Variants in HS3ST4 observed in about 807,000 individuals in gnomAD.
HS3ST4 encodes heparan sulfate-glucosamine 3-sulfotransferase 4.
Under a neutral mutation model 29.2 loss-of-function variants are expected in HS3ST4, and 17 were observed. That is an observed-to-expected ratio of 0.58 (90% CI 0.40 to 0.87). The LOEUF is 0.87. Ranked by LOEUF, HS3ST4 falls within the 40% of genes least tolerant of loss-of-function variation. The pLI is 0.00. For synonymous variants in HS3ST4, 314 were observed against 285.7 expected, an observed-to-expected ratio of 1.10 and a Z score of -1.00; for missense variants, 627 against 634.5, an observed-to-expected ratio of 0.99 and a Z score of 0.13.
At chr16:25,783,447 G>T (rs1244990168) in intron 1 of HS3ST4, among the ~76,000 whole-genome samples, 19 of 151,004 alleles carry the variant, frequency 1.3e-4, no homozygotes, top group Non-Finnish European at 2.9e-5. Context: ...TTCCACCAGA[G>T]TTGTGGTAAT....
chr16:25,851,773 G>T (rs1272510183), intron 1 of HS3ST4, among the ~76,000 whole-genome samples: 1 of 152,132 alleles, frequency 6.6e-6, no homozygotes, highest in Admixed American at 6.5e-5. Flanking sequence ...AAACAACCGA[G>T]AATTCATCCT....
At position 25,816,171 on chromosome 16, in the gene HS3ST4, G is replaced by A. The variant is rs990487627; in HGVS notation, c.734+123020G>A. Reference sequence around the variant, plus strand: ...GACCATGATTTACTACTCACCCTCCGTGGCTTTGCAGGGCATGGTGCCTTC... The same window carrying A: ...GACCATGATTTACTACTCACCCTCCATGGCTTTGCAGGGCATGGTGCCTTC... On this transcript the variant is annotated intron_variant, in intron 1 of 1. Transcript: ENST00000331351. Among the ~76,000 whole-genome samples the A allele has an allele frequency of 1.7e-4, 26 of 152,124 alleles. 1 individual carries two copies. Among genetic ancestry groups the A allele is most frequent in the Admixed American group, 1.5e-3 (23 of 15,278 alleles).
chr16:25,853,185 G>A (rs1300419122), intron 1 of HS3ST4, among the ~76,000 whole-genome samples: 2 of 151,984 alleles, frequency 1.3e-5, no homozygotes, highest in African/African-American at 2.4e-5. Flanking sequence ...CTTTTTAAGA[G>A]AGTTGTTCAT....
chr16:26,086,523 G>A (rs1304872727), intron 1 of HS3ST4, among the ~76,000 whole-genome samples: 1 of 151,842 alleles, frequency 6.6e-6, no homozygotes, highest in Non-Finnish European at 1.5e-5. Context: ...CTAATTTTTT[G>A]TATTTTTAGT....
chr16:25,966,337 G>A (rs892005810), intron 1 of HS3ST4, among the ~76,000 whole-genome samples: 2 of 152,090 alleles, frequency 1.3e-5, no homozygotes, highest in Non-Finnish European at 2.9e-5. Context: ...AGGTTGCTGG[G>A]GACCAGTATA....
chr16:25,916,673 C>CTTTTT (rs34339195), intron 1 of HS3ST4, among the ~76,000 whole-genome samples: 58 of 92,160 alleles, frequency 6.3e-4, no homozygotes, highest in African/African-American at 1.4e-3. Context: ...CAAATGCATT[C>CTTTTT]TTTTTTTTTT....
intron 1 of HS3ST4, among the ~76,000 whole-genome samples, chr16:25,982,645 T>C (rs1044252533): frequency 6.6e-6 from 1 of 152,080 alleles, no homozygotes; most frequent in African/African-American, 2.4e-5. Context: ...CTCGTCAACA[T>C]AGTGAGACCA....
chr16:25,698,773 A>G (rs1311187664), intron 1 of HS3ST4, among the ~76,000 whole-genome samples: 1 of 152,206 alleles, frequency 6.6e-6, no homozygotes, highest in East Asian at 1.9e-4. Flanking sequence ...GGAAAACCCC[A>G]GTAATGATTG....
intron 1 of HS3ST4, among the ~76,000 whole-genome samples, chr16:25,861,563 G>T (rs72780736): frequency 0.17 from 25,808 of 151,880 alleles, 2,358 homozygotes; most frequent in East Asian, 0.26. Flanking sequence ...TATGAAAAGC[G>T]CACCAAAAAG....
At position 25,834,464 on chromosome 16, in the gene HS3ST4, ATTC is replaced by A. The variant is rs763324871; in HGVS notation, c.734+141316_734+141318del. Reference sequence around the variant, plus strand: ...GCCCTTCACCAATGAATTGTGATATATTCTTACAATGAACAGGACTACACGCTG... The same window carrying A: ...GCCCTTCACCAATGAATTGTGATATATTACAATGAACAGGACTACACGCTG... On this transcript the variant is annotated intron_variant, in intron 1 of 1. Transcript: ENST00000331351. Among the ~76,000 whole-genome samples the A allele has an allele frequency of 9.5e-4, 145 of 152,346 alleles. 1 individual carries two copies. The highest frequency in any genetic ancestry group is 4.1e-3 in the Admixed American group (63 of 15,302).
intron 1 of HS3ST4, among the ~76,000 whole-genome samples, chr16:25,831,998 C>T (rs1261721525): frequency 3.3e-5 from 5 of 152,024 alleles, no homozygotes; most frequent in Admixed American, 2.6e-4. Context: ...TCCAGCTGCT[C>T]GGGAGGCTGA....
At chr16:25,745,987 A>T (rs540260699) in intron 1 of HS3ST4, among the ~76,000 whole-genome samples, 4 of 152,286 alleles carry the variant, frequency 2.6e-5, no homozygotes, top group Admixed American at 2.6e-4. Context: ...CACCTGATTA[A>T]GTTATCCTCC....
In HS3ST4 at chr16:25,913,310, C is replaced by T. The variant is rs113945872; in HGVS notation, c.734+220159C>T. 2.9e-3 allele frequency among the ~76,000 whole-genome samples: 443 copies of T among 152,354 alleles called. 3 individuals are homozygous for T. Among genetic ancestry groups the T allele is most frequent in the African/African-American group, 0.01 (432 of 41,596 alleles). On this transcript the variant is annotated intron_variant, in intron 1 of 1. Coordinates refer to ENST00000331351, the MANE Select transcript of HS3ST4 (RefSeq NM_006040.3). ...TGAGGCTTTTGGGAGGCTATTAGGT[C>T]ACAAGGGCAGAGCCCCCATGAATGG... is the stretch of plus-strand genomic sequence containing the variant.
chr16:26,025,836 T>C (rs971395037), intron 1 of HS3ST4, among the ~76,000 whole-genome samples: 1 of 152,334 alleles, frequency 6.6e-6, no homozygotes. Flanking sequence ...AGTGCAGTGG[T>C]GTGATCTTGG....
At chr16:26,082,446 G>A (rs1898735311) in intron 1 of HS3ST4, among the ~76,000 whole-genome samples, 1 of 152,184 alleles carries the variant, frequency 6.6e-6, no homozygotes, top group Non-Finnish European at 1.5e-5. Context: ...GCAAGTGATA[G>A]GATCAGAGAG....
chr16:25,942,870 C>T (rs1968586196), intron 1 of HS3ST4, among the ~76,000 whole-genome samples: 1 of 152,174 alleles, frequency 6.6e-6, no homozygotes, highest in African/African-American at 2.4e-5. Context: ...AATCCTCCCA[C>T]TTCAGCCTCT....
chr16:25,727,652 A>G (rs1966545582), intron 1 of HS3ST4, among the ~76,000 whole-genome samples: 1 of 152,144 alleles, frequency 6.6e-6, no homozygotes, highest in Admixed American at 6.5e-5. Flanking sequence ...TGCCCCATTC[A>G]CTTCCATGGC....
At position 25,764,987 on chromosome 16, in the gene HS3ST4, G is replaced by T. The variant is rs116370191; in HGVS notation, c.734+71836G>T. 1.9e-3 allele frequency among the ~76,000 whole-genome samples: 294 copies of T among 152,320 alleles called. 1 individual carries two copies. The highest frequency in any genetic ancestry group is 6.8e-3 in the African/African-American group (282 of 41,566). On this transcript the variant is annotated intron_variant, in intron 1 of 1. Transcript: ENST00000331351. ...GAAAAAAAGCTTAGACATAAAAGAA[G>T]AGAAATGGCTTAAGAAGAAATGGAG...
chr16:26,104,046 T>C (rs1353236838), intron 1 of HS3ST4, among the ~76,000 whole-genome samples: 1 of 152,216 alleles, frequency 6.6e-6, no homozygotes, highest in African/African-American at 2.4e-5. Context: ...GGAATGCATT[T>C]GACTGTATTT....
Sources: allele counts gnomAD v4.1 joint callset (sites outside exome capture counted in the v4.1 genomes callset), GRCh38; gene constraint gnomAD v4.1.1; transcripts MANE v1.5; gene names NCBI Gene and HGNC (gene_info 2026-07-23, HGNC 2026-07-21).